PHKA1: variants seen among roughly 807,000 people sequenced by gnomAD.
PHKA1 encodes the protein phosphorylase kinase regulatory subunit alpha 1, also known as phosphorylase b kinase regulatory subunit alpha, skeletal muscle isoform.
PHKA1 carries 60 observed loss-of-function variants against 110.2 expected under a neutral mutation model. The ratio of observed to expected loss-of-function variants is 0.54; its 90% CI spans 0.44 to 0.68. The LOEUF is 0.68. PHKA1 is among the 30% of genes least tolerant of loss of function. PHKA1 has a pLI of 0.00. For synonymous variants in PHKA1, 316 were observed against 333.6 expected, an observed-to-expected ratio of 0.95 and a Z score of 0.58; for missense variants, 801 against 942.5, an observed-to-expected ratio of 0.85 and a Z score of 1.97.
chrX:72,592,997 G>T, intron 29 of PHKA1, 107 bp downstream of exon 29: 1 of 554,862 alleles, frequency 1.8e-6, no homozygotes, highest in South Asian at 2.5e-5. Context: ...TCTGAGTTAT[G>T]ACTTTTACAT....
rs782489182 is a variant in PHKA1, at chrX:72,656,190, A to G, written c.971T>C (p.Ile324Thr). 8 of 1,207,965 alleles carry G rather than the reference A, an allele frequency of 6.6e-6. No individual in the cohort carries two copies. Among genetic ancestry groups the G allele is most frequent in the South Asian group, 3.5e-5 (2 of 56,889 alleles). The part of the protein sequence containing the change: ...EPAELKLFEN[I>T]ECEWPLFWTY... ...CCAGAACAATGGCCATTCACACTCA[A>G]TGTTTTCAAATAGCTTCAGCTCAGC... Residue 324 changes from isoleucine (I) to threonine (T), a missense_variant, in exon 10 of 32, where the codon ATT (isoleucine) becomes ACT (threonine). Ile to Thr is a moderately conservative substitution (Grantham distance 89). Around this residue, in one of 2 missense-constraint regions of PHKA1, gnomAD observed 299 missense variants for 423.3 expected, o/e 0.71. Transcript: ENST00000373542.
At chrX:72,654,064 TG>T (rs1556300216) in intron 10 of PHKA1, among the ~76,000 whole-genome samples, 1 of 102,195 alleles carries the variant, frequency 9.8e-6, no homozygotes, top group East Asian at 5.4e-4. Context: ...TAATTTATGA[TG>T]AAAAAAAAAA....
At chrX:72,619,399 A>G in intron 19 of PHKA1, 94 bp from the exon 20 acceptor site, 1 of 540,285 alleles carries the variant, frequency 1.9e-6, no homozygotes. Flanking sequence ...CATGTGAGTC[A>G]GTTCTTCATA....
chrX:72,641,302 A>G (rs781902218), intron 14 of PHKA1, among the ~76,000 whole-genome samples: 1 of 111,955 alleles, frequency 8.9e-6, no homozygotes, highest in East Asian at 2.8e-4. Flanking sequence ...TATACAATTA[A>G]GAAAACAGTG....
rs1556200701 is a variant in PHKA1 at position 72,581,072 on chromosome X, G to A, written c.3602C>T (p.Thr1201Ile). The stretch of plus-strand genomic sequence containing the variant: ...GGTGGCGGCTGCCTTGGAGAGGTAG[G>A]TCATGGTGCCAAACCTGCCACTGGG... ...SAPSGRFGTM[T>I]YLSKAAATYV... Residue 1201 changes from threonine (T) to isoleucine (I), a missense_variant, in exon 32 of 32, where the codon ACC becomes ATC. Around this residue, in one of 2 missense-constraint regions of PHKA1, gnomAD observed 502 missense variants for 519.2 expected, o/e 0.97. Coordinates refer to ENST00000373542, the MANE Select transcript of PHKA1 (RefSeq NM_002637.4). 8.3e-7 allele frequency: 1 copy of A among 1,208,650 alleles called. No homozygotes were observed. Among genetic ancestry groups the A allele is most frequent in the Non-Finnish European group, 1.1e-6 (1 of 892,701 alleles).
At chrX:72,587,280 A>G (rs2052446816) in intron 29 of PHKA1, among the ~76,000 whole-genome samples, 1 of 111,714 alleles carries the variant, frequency 9.0e-6, no homozygotes, top group South Asian at 3.8e-4. Context: ...GCCGATATTC[A>G]ACATTCTTAA....
chrX:72,580,925 C>T lies in PHKA1; in HGVS notation c.*77G>A. The stretch of plus-strand genomic sequence containing the variant: ...CAGGGTTGGAGTGATTAGGCAATAA[C>T]ATTTTAGTTCCATGCACAATCAACC... On this transcript the variant is annotated 3_prime_UTR_variant, in exon 32 of 32. Coordinates refer to ENST00000373542, the MANE Select transcript of PHKA1 (RefSeq NM_002637.4). The T allele has an allele frequency of 5.4e-6, 5 of 923,171 alleles. No individual in the cohort carries two copies. The highest frequency in any genetic ancestry group is 7.7e-6 in the Non-Finnish European group (5 of 645,460). The allele number at this position is 923,171 out of a possible 1,213,427, so 76.1% of individuals were successfully genotyped here.
chrX:72,708,510 G>C (rs782727276), intron 2 of PHKA1, among the ~76,000 whole-genome samples: 1 of 111,255 alleles, frequency 9.0e-6, no homozygotes, highest in East Asian at 2.8e-4. Flanking sequence ...GAGAAATGAG[G>C]GCCACAGAAA....
Position 72,605,272 on chromosome X carries a change from T to C in PHKA1, c.2814A>G (p.Ser938=). 8.3e-7 allele frequency: 1 copy of C among 1,200,458 alleles called. No homozygotes were observed. The highest frequency in any genetic ancestry group is 1.1e-6 in the Non-Finnish European group (1 of 885,168). Residue 938 remains serine (S), a splice_region_variant and synonymous_variant, in exon 25 of 32, where the codon TCA becomes TCG. Coordinates refer to ENST00000373542, the MANE Select transcript of PHKA1 (RefSeq NM_002637.4). ...ATELAHSLRC[S]AEEATEGLMN... is the part of the protein sequence containing the mutation. ...TAAAATAGTTACTGAATTAAGTACCTGAGCATCGAAGGGAGTGGGCCAGTT... is the reference window on the plus strand; with the variant it reads ...TAAAATAGTTACTGAATTAAGTACCCGAGCATCGAAGGGAGTGGGCCAGTT...
intron 14 of PHKA1, 78 bp downstream of exon 14, chrX:72,644,284 C>G: frequency 9.5e-7 from 1 of 1,055,303 alleles, no homozygotes; most frequent in Non-Finnish European, 1.3e-6. Flanking sequence ...AATACACAAT[C>G]ATGAAGAAGA....
In PHKA1 at chrX:72,659,012, T is replaced by C. The variant is rs782019778; in HGVS notation, c.865-1371A>G. On this transcript the variant is annotated intron_variant, in intron 8 of 31. Coordinates refer to ENST00000373542, the MANE Select transcript of PHKA1 (RefSeq NM_002637.4). Reference sequence around the variant, plus strand: ...CATCAGTAGATTTCTCCTGAAATAATTGTTATTCTTGTGTTTGTCTAATGG... The same window carrying C: ...CATCAGTAGATTTCTCCTGAAATAACTGTTATTCTTGTGTTTGTCTAATGG... Among the ~76,000 whole-genome samples, 3 of 112,409 alleles carry C rather than the reference T, an allele frequency of 2.7e-5. No homozygotes were observed. The South Asian group carries it at 1.1e-3, about 41-fold the overall frequency.
intron 14 of PHKA1, among the ~76,000 whole-genome samples, chrX:72,638,933 C>T (rs186668355): frequency 9.9e-5 from 11 of 111,634 alleles, no homozygotes; most frequent in Non-Finnish European, 1.9e-4. Flanking sequence ...CTTTGAGTGT[C>T]CCTTCTGTCC....
At chrX:72,661,957 C>T (rs533647720) in intron 8 of PHKA1, among the ~76,000 whole-genome samples, 4 of 111,109 alleles carry the variant, frequency 3.6e-5, no homozygotes, top group East Asian at 2.9e-4. Flanking sequence ...GAGAGGAGAG[C>T]GAGGCACCCT....
intron 28 of PHKA1, among the ~76,000 whole-genome samples, chrX:72,595,139 T>C (rs1030821191): frequency 3.6e-5 from 4 of 111,999 alleles, no homozygotes; most frequent in Non-Finnish European, 7.5e-5. Context: ...TTTTAACATC[T>C]GAACATCAAT....
intron 10 of PHKA1, among the ~76,000 whole-genome samples, chrX:72,655,754 C>G (rs2053487310): frequency 9.0e-6 from 1 of 111,127 alleles, no homozygotes; most frequent in Non-Finnish European, 1.9e-5. Context: ...TCCCGAGTAG[C>G]TGGGACTACA....
chrX:72,608,708 T>C (rs2052765267), intron 23 of PHKA1, among the ~76,000 whole-genome samples: 2 of 111,002 alleles, frequency 1.8e-5, no homozygotes, highest in Non-Finnish European at 3.8e-5. Context: ...ATCCCTTCTG[T>C]AGCCAATGTA....
At chrX:72,586,690 A>C (rs1350464689) in intron 29 of PHKA1, among the ~76,000 whole-genome samples, 1 of 110,422 alleles carries the variant, frequency 9.1e-6, no homozygotes, top group Non-Finnish European at 1.9e-5. Context: ...TTGAAAAAAG[A>C]TTAGATGAAT....
At chrX:72,617,841 AT>A (rs1172341018) in intron 21 of PHKA1, among the ~76,000 whole-genome samples, 8 of 110,153 alleles carry the variant, frequency 7.3e-5, no homozygotes, top group Admixed American at 9.6e-5. Context: ...AATAAAAAAA[AT>A]AAAAAAAAAA....
chrX:72,712,702 T>C (rs2147854039), intron 2 of PHKA1, 77 bp downstream of exon 2: 1 of 979,727 alleles, frequency 1.0e-6, no homozygotes, highest in East Asian at 3.1e-5. Context: ...TGGGTTTCAC[T>C]TCCTTCAGTC....
Sources: allele counts gnomAD v4.1 joint callset (sites outside exome capture counted in the v4.1 genomes callset), GRCh38; gene constraint gnomAD v4.1.1; regional missense constraint gnomAD v4.1.1; transcripts MANE v1.5; gene names NCBI Gene and HGNC (gene_info 2026-07-23, HGNC 2026-07-21).